GRIN2A: variants seen among roughly 807,000 people sequenced by gnomAD.
GRIN2A encodes glutamate receptor ionotropic, NMDA 2A.
A neutral mutation model predicts 113.4 loss-of-function variants in GRIN2A; 22 were observed. The ratio of observed to expected loss-of-function variants is 0.19; its 90% CI spans 0.14 to 0.28. The LOEUF (loss-of-function observed/expected upper bound fraction) is 0.28, where lower values mean the gene tolerates loss of function less well. GRIN2A is among the 10% of genes least tolerant of loss of function. The probability of loss-of-function intolerance (pLI) is 1.00; values close to 1 mark genes in which losing one functional copy is unlikely to be tolerated. For synonymous variants in GRIN2A, 827 were observed against 738.4 expected, an observed-to-expected ratio of 1.12 and a Z score of -1.94; for missense variants, 1,502 against 1,887.0, an observed-to-expected ratio of 0.80 and a Z score of 3.78.
chr16:10,039,396 T>C (rs933880025), intron 2 of GRIN2A, among the ~76,000 whole-genome samples: 22 of 152,220 alleles, frequency 1.4e-4, no homozygotes, highest in Non-Finnish European at 5.9e-5. Flanking sequence ...CAGGTAAATG[T>C]GGCTTTGTTT....
chr16:9,907,222 C>T (rs180961327), intron 3 of GRIN2A, among the ~76,000 whole-genome samples: 1 of 152,180 alleles, frequency 6.6e-6, no homozygotes, highest in East Asian at 1.9e-4. Flanking sequence ...TTTTGTGTGA[C>T]CATAGGTTAA....
intron 2 of GRIN2A, chr16:10,111,427 G>C (rs1429203761): frequency 5.4e-6 from 3 of 554,440 alleles, no homozygotes; most frequent in Admixed American, 5.1e-5. Flanking sequence ...CGTGCCCCAG[G>C]ACTGGCTCAC....
chr16:10,102,376 C>G (rs944677507), intron 2 of GRIN2A, among the ~76,000 whole-genome samples: 28 of 152,202 alleles, frequency 1.8e-4, no homozygotes, highest in African/African-American at 5.1e-4. Context: ...TATGCTACCC[C>G]CCTTTCACCT....
intron 2 of GRIN2A, among the ~76,000 whole-genome samples, chr16:9,997,173 C>G (rs2046238486): frequency 6.6e-6 from 1 of 152,156 alleles, no homozygotes; most frequent in African/African-American, 2.4e-5. Context: ...CCTGAACTGG[C>G]CTGTAGACTT....
intron 2 of GRIN2A, among the ~76,000 whole-genome samples, chr16:9,978,959 A>G (rs1425412925): frequency 6.6e-6 from 1 of 152,192 alleles, no homozygotes; most frequent in Non-Finnish European, 1.5e-5. Flanking sequence ...TAGTGCCCAC[A>G]TTTCCGACTC....
intron 10 of GRIN2A, among the ~76,000 whole-genome samples, chr16:9,798,802 G>C (rs1269709911): frequency 1.3e-5 from 2 of 152,190 alleles, no homozygotes; most frequent in South Asian, 4.1e-4. Context: ...GTTTGCATCA[G>C]AACAAAATAA....
chr16:10,066,045 C>T (rs73508691), intron 2 of GRIN2A, among the ~76,000 whole-genome samples: 4,571 of 152,246 alleles, frequency 0.03, 245 homozygotes, highest in African/African-American at 0.11. Context: ...TTTATCTGTC[C>T]TCCTGACACT....
chr16:9,945,480 A>C (rs9933069), intron 2 of GRIN2A, among the ~76,000 whole-genome samples: 1 of 151,982 alleles, frequency 6.6e-6, no homozygotes, highest in Admixed American at 6.6e-5. Context: ...ACAGGAAGCA[A>C]AGGCCACATC....
At chr16:9,887,881 C>G (rs895339357) in intron 4 of GRIN2A, among the ~76,000 whole-genome samples, 3 of 152,076 alleles carry the variant, frequency 2.0e-5, no homozygotes, top group African/African-American at 4.8e-5. Context: ...CAACATGGTG[C>G]AACTATCTCT....
At chr16:10,112,415 T>A in intron 2 of GRIN2A, 3 of 726,414 alleles carry the variant, frequency 4.1e-6, no homozygotes, top group East Asian at 5.0e-5. Flanking sequence ...AGGGCACTGC[T>A]GTGTACAAGG....
intron 5 of GRIN2A, among the ~76,000 whole-genome samples, chr16:9,847,936 A>AT (rs200217249): frequency 0.023 from 3,345 of 145,476 alleles, 124 homozygotes; most frequent in African/African-American, 0.074. Context: ...TATATATATA[A>AT]AAATATATAT....
At chr16:9,878,940 G>A (rs1234895405) in intron 4 of GRIN2A, among the ~76,000 whole-genome samples, 1 of 151,992 alleles carries the variant, frequency 6.6e-6, no homozygotes, top group Non-Finnish European at 1.5e-5. Flanking sequence ...AGTTGAATGT[G>A]TTAATTTGCT....
chr16:9,835,724 G>A (rs1443483738), intron 7 of GRIN2A, among the ~76,000 whole-genome samples: 2 of 152,106 alleles, frequency 1.3e-5, no homozygotes, highest in Non-Finnish European at 2.9e-5. Context: ...ATAATAAAGA[G>A]CTAGGTTGAT....
intron 2 of GRIN2A, among the ~76,000 whole-genome samples, chr16:9,955,363 A>T (rs2045280243): frequency 6.6e-6 from 1 of 152,000 alleles, no homozygotes; most frequent in Admixed American, 6.5e-5. Flanking sequence ...TTCTCTGTCC[A>T]ACTCCTATTC....
At position 10,031,912 on chromosome 16, in the gene GRIN2A, C is replaced by T. The variant is rs181880658; in HGVS notation, c.415-93361G>A. The stretch of plus-strand genomic sequence containing the variant: ...ATCCCTCCGGCCACAGGGCCTATGC[C>T]CAGTCTCTTTCCACTTCCTGCAATG... On this transcript the variant is annotated intron_variant, in intron 2 of 12. Transcript: ENST00000330684. Among the ~76,000 whole-genome samples, 8 of 152,336 alleles carry T rather than the reference C, an allele frequency of 5.3e-5. No homozygotes were observed. In the East Asian group the frequency reaches 1.5e-3, roughly 29 times the overall value.
Position 9,898,808 on chromosome 16 carries a change from T to G in GRIN2A, c.1008-7708A>C, listed in dbSNP as rs951066003. On this transcript the variant is annotated intron_variant, in intron 3 of 12. Transcript: ENST00000330684. The stretch of plus-strand genomic sequence containing the variant: ...ACAGAGTGTTTTTTTTTTGTTTTTT[T>G]TTTTTCTCTTACAAGCATTCTCCTG... Among the ~76,000 whole-genome samples, 9 of 151,914 alleles carry G rather than the reference T, an allele frequency of 5.9e-5. No individual in the cohort carries two copies. The South Asian group carries it at 6.2e-4, about 11-fold the overall frequency.
intron 8 of GRIN2A, among the ~76,000 whole-genome samples, chr16:9,830,829 C>A (rs1364794429): frequency 6.6e-6 from 1 of 152,176 alleles, no homozygotes; most frequent in Non-Finnish European, 1.5e-5. Flanking sequence ...TTCTATTTGG[C>A]TAGTTTTGTG....
intron 11 of GRIN2A, among the ~76,000 whole-genome samples, chr16:9,792,876 G>A (rs1902702396): frequency 1.3e-5 from 2 of 152,252 alleles, no homozygotes; most frequent in African/African-American, 4.8e-5. Flanking sequence ...AGTAGGAAAT[G>A]ATCAGAATTG....
chr16:9,872,795 A>T (rs1436189444), intron 4 of GRIN2A, among the ~76,000 whole-genome samples: 1 of 151,974 alleles, frequency 6.6e-6, no homozygotes, highest in Non-Finnish European at 1.5e-5. Context: ...GGCCAAGTGG[A>T]GGGGTGGGGG....
Sources: allele counts gnomAD v4.1 joint callset (sites outside exome capture counted in the v4.1 genomes callset), GRCh38; gene constraint gnomAD v4.1.1; transcripts MANE v1.5; gene names NCBI Gene and HGNC (gene_info 2026-07-23, HGNC 2026-07-21).